The following BRIX1 variants were observed in gnomAD, a reference collection of about 807,000 sequenced individuals.
BRIX1 encodes ribosome biogenesis protein BRX1 homolog.
Under a neutral mutation model 44.0 loss-of-function variants are expected in BRIX1, and 15 were observed. The observed-to-expected ratio is 0.34, with a 90% CI of 0.23 to 0.53. BRIX1 has a LOEUF of 0.53. Among genes scored for constraint, BRIX1 ranks in the 20% least tolerant of loss-of-function variants. BRIX1 has a pLI of 0.95. For missense variants in BRIX1, 420 were observed against 432.8 expected (o/e 0.97, Z 0.26); for synonymous variants, 149 against 135.4 (o/e 1.10, Z -0.70).
At chr5:34,922,152 C>T (rs1764252981) in intron 3 of BRIX1, 65 bp from the exon 4 acceptor site, 1 of 895,926 alleles carries the variant, frequency 1.1e-6, no homozygotes. Flanking sequence ...ATATTAATCA[C>T]ATATAATTAC....
chr5:34,922,452 T>G, intron 4 of BRIX1, 87 bp from the exon 5 acceptor site: 1 of 948,776 alleles, frequency 1.1e-6, no homozygotes, highest in Non-Finnish European at 1.6e-6. Context: ...TGTATAAATA[T>G]TATAAGCATA....
Position 34,915,879 on chromosome 5 carries a change from C to T in BRIX1, c.141C>T (p.Ile47=). The T allele has an allele frequency of 6.4e-7, 1 of 1,557,842 alleles. No homozygotes were observed. The highest frequency in any genetic ancestry group is 8.7e-7 in the Non-Finnish European group (1 of 1,150,908). The change falls in exon 1 of 10, where the codon ATC becomes ATT. Residue 47 remains isoleucine, a synonymous_variant. Coordinates refer to ENST00000336767, the MANE Select transcript of BRIX1 (RefSeq NM_018321.4). ...TGGAGGAAGAAGAGAGGGACCGGAT[C>T]CCAGGCCCCGTTTGCAAGGTAGGAG... ...EEVEEEERDR[I]PGPVCKGKWK...
chr5:34,918,539 C>T, intron 2 of BRIX1, 64 bp downstream of exon 2: 2 of 935,538 alleles, frequency 2.1e-6, no homozygotes, highest in Non-Finnish European at 3.1e-6. Flanking sequence ...TATGTTTTCA[C>T]TTATTTTATA....
In BRIX1 at chr5:34,925,393, G is replaced by C; in HGVS notation, c.960G>C (p.Trp320Cys). 6.2e-7 allele frequency: 1 copy of C among 1,613,526 alleles called. No homozygotes were observed. Among genetic ancestry groups the C allele is most frequent in the South Asian group, 1.1e-5 (1 of 91,046 alleles). ...AGGAGAAACCAATAGAAATACAGTG[G>C]GTAAAACCAGAGCCAAAAGTTGATT... ...PAEEKPIEIQ[W>C]VKPEPKVDLK... Residue 320 changes from tryptophan to cysteine, a missense_variant, in exon 10 of 10, where the codon TGG (tryptophan) becomes TGC (cysteine). Coordinates refer to ENST00000336767, the MANE Select transcript of BRIX1 (RefSeq NM_018321.4).
At position 34,915,869 on chromosome 5, in the gene BRIX1, G is replaced by A. The variant is rs1380748147; in HGVS notation, c.131G>A (p.Arg44Lys). The A allele has an allele frequency of 2.6e-6, 4 of 1,561,938 alleles. No homozygotes were observed. The highest frequency in any genetic ancestry group is 1.2e-5 in the South Asian group (1 of 84,862). ...GCAGAGGAGGTGGAGGAAGAAGAGAGGGACCGGATCCCAGGCCCCGTTTGC... is the reference window on the plus strand; with the variant it reads ...GCAGAGGAGGTGGAGGAAGAAGAGAAGGACCGGATCCCAGGCCCCGTTTGC... ...ATAEEVEEEE[R>K]DRIPGPVCKG... is the part of the protein sequence containing the mutation. The change falls in exon 1 of 10, where the codon AGG becomes AAG. Residue 44 changes from arginine (R) to lysine (K), a missense_variant. Physicochemically the swap from Arg to Lys is conservative, Grantham distance 26. Transcript: ENST00000336767.
Position 34,925,207 on chromosome 5 carries a change from C to CTTTTTTTTTTT in BRIX1, c.793-13_793-3dup. On this transcript the variant is annotated intron_variant, in intron 9 of 9. Coordinates refer to ENST00000336767, the MANE Select transcript of BRIX1 (RefSeq NM_018321.4). Reference sequence around the variant, plus strand: ...TATTTTTATTTCAAAAGCATCTAATCTTTTTTTTTTTTTTTTAGCATCGGC... The same window carrying CTTTTTTTTTTT: ...TATTTTTATTTCAAAAGCATCTAATCTTTTTTTTTTTTTTTTTTTTTTTTTTTAGCATCGGC... 7.4e-7 allele frequency: 1 copy of CTTTTTTTTTTT among 1,357,592 alleles called. No individual in the cohort carries two copies. The allele number at this position is 1,357,592 out of a possible 1,614,324, so 84.1% of individuals were successfully genotyped here. A position where few individuals can be genotyped will look rare whatever the true frequency, so the allele number is the denominator to read the frequency against.
chr5:34,923,483 G>T (rs1764286132), intron 8 of BRIX1: 2 of 439,036 alleles, frequency 4.6e-6, no homozygotes, highest in African/African-American at 2.0e-5. Flanking sequence ...TCGCCATGTT[G>T]GCCAGGCTGG....
intron 8 of BRIX1, among the ~76,000 whole-genome samples, chr5:34,923,628 T>C (rs1402949022): frequency 6.6e-6 from 1 of 152,160 alleles, no homozygotes; most frequent in Non-Finnish European, 1.5e-5. Context: ...AGGTTGGCCT[T>C]GAACCTCCTG....
At chr5:34,923,823 A>G (rs1764292725) in intron 8 of BRIX1, among the ~76,000 whole-genome samples, 1 of 152,218 alleles carries the variant, frequency 6.6e-6, no homozygotes. Context: ...GCAAGTAACT[A>G]TGTACTGTCT....
At chr5:34,922,102 C>G in intron 3 of BRIX1, 115 bp from the exon 4 acceptor site, 1 of 538,666 alleles carries the variant, frequency 1.9e-6, no homozygotes, top group Non-Finnish European at 3.3e-6. Context: ...GCCTTTGTAG[C>G]CTATTAGCCT....
chr5:34,923,189 T>A lies in BRIX1; in HGVS notation c.618T>A (p.Phe206Leu). The stretch of plus-strand genomic sequence containing the variant: ...GCCAACCATTTGTGGACCACGTGTT[T>A]ACTTTCACCATTTTGGATAATAGGA... ...PKSQPFVDHVFTFTILDNRIW... is the reference protein window; with the variant it reads ...PKSQPFVDHVLTFTILDNRIW... The change falls in exon 8 of 10, where the codon TTT becomes TTA. Residue 206 changes from phenylalanine to leucine, a missense_variant. Phe to Leu is a conservative substitution (Grantham distance 22). Transcript: ENST00000336767. 1 of 1,614,204 alleles carries A rather than the reference T, an allele frequency of 6.2e-7. No individual in the cohort carries two copies. The highest frequency in any genetic ancestry group is 1.7e-5 in the Admixed American group (1 of 60,024).
intron 6 of BRIX1, 46 bp downstream of exon 6, chr5:34,922,814 A>G: frequency 6.5e-7 from 1 of 1,548,972 alleles, no homozygotes. Flanking sequence ...CTTATCTGGC[A>G]TGGTTGTTTT....
At position 34,922,748 on chromosome 5, in the gene BRIX1, C is replaced by T. The variant is rs201632829; in HGVS notation, c.490C>T (p.Pro164Ser). The T allele has an allele frequency of 4.0e-5, 64 of 1,613,844 alleles. No individual in the cohort carries two copies. The highest frequency in any genetic ancestry group is 1.6e-4 in the Middle Eastern group (1 of 6,082). The change falls in exon 6 of 10, where the codon CCC becomes TCC. Residue 164 changes from proline to serine, a missense_variant. By Grantham distance (74) the Pro-to-Ser change is moderately conservative. Coordinates refer to ENST00000336767, the MANE Select transcript of BRIX1 (RefSeq NM_018321.4). ...MTGNCLKGSR[P>S]LLSFDPAFDE... ...TGGAAACTGTTTGAAAGGTTCTCGGCCCCTTTTGTCTTTTGACCCTGTAAG... is the reference window on the plus strand; with the variant it reads ...TGGAAACTGTTTGAAAGGTTCTCGGTCCCTTTTGTCTTTTGACCCTGTAAG...
intron 1 of BRIX1, chr5:34,917,934 A>T: frequency 6.5e-6 from 1 of 152,858 alleles, no homozygotes. Context: ...TGGGTGGCAG[A>T]TGTGGTCAGT....
rs1178778088 is a variant in BRIX1, at chr5:34,915,813, T to G, written c.75T>G (p.Asp25Glu). ...AGAAGCCAAAAAGAAACGAAATAGATGCGGAGCCGCCAGCTAAGCGGCACG... is the reference window on the plus strand; with the variant it reads ...AGAAGCCAAAAAGAAACGAAATAGAGGCGGAGCCGCCAGCTAAGCGGCACG... ...QAKKPKRNEI[D>E]AEPPAKRHAT... The change falls in exon 1 of 10, where the codon GAT becomes GAG. Residue 25 changes from aspartate to glutamate, a missense_variant. Transcript: ENST00000336767. 1 of 1,579,994 alleles carries G rather than the reference T, an allele frequency of 6.3e-7. No individual in the cohort carries two copies. The highest frequency in any genetic ancestry group is 1.2e-5 in the South Asian group (1 of 86,438).
chr5:34,925,282 G>T lies in BRIX1; in HGVS notation c.849G>T (p.Val283=). The T allele has an allele frequency of 1.2e-6, 2 of 1,612,308 alleles. No homozygotes were observed. The highest frequency in any genetic ancestry group is 1.7e-6 in the Non-Finnish European group (2 of 1,179,764). ...TAAKYREKQQ[V]KDVQKLRKKE... is the part of the protein sequence containing the mutation. ...CAAAATACAGAGAGAAACAGCAAGT[G>T]AAAGATGTGCAAAAACTGAGAAAGA... Residue 283 remains valine, a synonymous_variant, in exon 10 of 10, where the codon GTG becomes GTT. Coordinates refer to ENST00000336767, the MANE Select transcript of BRIX1 (RefSeq NM_018321.4).
intron 6 of BRIX1, 67 bp from the exon 7 acceptor site, chr5:34,922,934 C>T: frequency 7.8e-7 from 1 of 1,286,694 alleles, no homozygotes. Context: ...GTTATAGAAA[C>T]AAATGAGCAA....
At chr5:34,918,284 A>G in intron 1 of BRIX1, 80 bp from the exon 2 acceptor site, 1 of 711,432 alleles carries the variant, frequency 1.4e-6, no homozygotes, top group East Asian at 2.9e-5. Context: ...CAGCCTGGGC[A>G]ACAGTGTGAG....
intron 2 of BRIX1, chr5:34,918,707 C>A: frequency 2.8e-6 from 1 of 359,452 alleles, no homozygotes; most frequent in Non-Finnish European, 5.0e-6. Flanking sequence ...ATTATTGAAA[C>A]ATTTCTTGAA....
Sources: allele counts gnomAD v4.1 joint callset (sites outside exome capture counted in the v4.1 genomes callset), GRCh38; gene constraint gnomAD v4.1.1; transcripts MANE v1.5; gene names NCBI Gene and HGNC (gene_info 2026-07-23, HGNC 2026-07-21).